The following AHI1 variants were observed in gnomAD, a reference collection of about 807,000 sequenced individuals.
AHI1 encodes jouberin.
Under a neutral mutation model 149.3 loss-of-function variants are expected in AHI1, and 123 were observed. The ratio of observed to expected loss-of-function variants is 0.82; its 90% CI spans 0.71 to 0.96. The LOEUF (loss-of-function observed/expected upper bound fraction) is 0.96, where lower values mean the gene tolerates loss of function less well. Among genes scored for constraint, AHI1 ranks in the 40% least tolerant of loss-of-function variants. AHI1 has a pLI of 0.00. For missense variants in AHI1, 1,439 were observed against 1,422.7 expected, an observed-to-expected ratio of 1.01 and a Z score of -0.18; for synonymous variants, 475 against 459.8, an observed-to-expected ratio of 1.03 and a Z score of -0.42.
intron 23 of AHI1, chr6:135,387,948 C>A: frequency 6.2e-7 from 1 of 1,612,512 alleles, no homozygotes; most frequent in South Asian, 1.1e-5. Flanking sequence ...GATCCCAGGT[C>A]GGCTCAGTTC....
chr6:135,407,167 C>A (rs1028691447), intron 21 of AHI1, among the ~76,000 whole-genome samples: 1 of 152,084 alleles, frequency 6.6e-6, no homozygotes, highest in Non-Finnish European at 1.5e-5. Flanking sequence ...CTATTATATA[C>A]CTGCTGAACT....
intron 14 of AHI1, among the ~76,000 whole-genome samples, chr6:135,440,898 A>C (rs1025504693): frequency 2.0e-5 from 3 of 152,270 alleles, no homozygotes; most frequent in Admixed American, 2.0e-4. Flanking sequence ...TTATTAAAAC[A>C]TCCAGTTTTC....
chr6:135,442,459 C>A (rs12211456), intron 14 of AHI1, 123 bp downstream of exon 14: 22 of 1,043,540 alleles, frequency 2.1e-5, no homozygotes, highest in Middle Eastern at 5.7e-4. Context: ...TGAAGAAATC[C>A]GTTTTCTTTA....
chr6:135,386,516 T>C (rs1777609510), intron 23 of AHI1, among the ~76,000 whole-genome samples: 1 of 152,158 alleles, frequency 6.6e-6, no homozygotes, highest in Admixed American at 6.5e-5. Flanking sequence ...TTCACCGTGT[T>C]AGCCAGGATG....
intron 24 of AHI1, among the ~76,000 whole-genome samples, chr6:135,341,405 T>TA (rs1790353464): frequency 6.6e-6 from 1 of 151,888 alleles, no homozygotes; most frequent in Non-Finnish European, 1.5e-5. Flanking sequence ...CAGGAAGACT[T>TA]AAAAAGTATA....
chr6:135,417,096 A>G (rs1257881937), intron 20 of AHI1, among the ~76,000 whole-genome samples: 2 of 152,106 alleles, frequency 1.3e-5, no homozygotes, highest in Non-Finnish European at 2.9e-5. Context: ...GGAATTTGGA[A>G]TGTTTAACAT....
intron 5 of AHI1, among the ~76,000 whole-genome samples, chr6:135,472,889 A>G (rs1433233669): frequency 6.6e-6 from 1 of 152,204 alleles, no homozygotes; most frequent in Non-Finnish European, 1.5e-5. Flanking sequence ...TAGATACAAC[A>G]TTGTATCAGA....
intron 15 of AHI1, among the ~76,000 whole-genome samples, chr6:135,433,830 T>G (rs1395196083): frequency 6.6e-6 from 1 of 152,056 alleles, no homozygotes; most frequent in African/African-American, 2.4e-5. Context: ...TTATGACATT[T>G]TGATAGAAAA....
chr6:135,341,719 C>A (rs1309478825), intron 24 of AHI1, among the ~76,000 whole-genome samples: 1 of 151,684 alleles, frequency 6.6e-6, no homozygotes, highest in Non-Finnish European at 1.5e-5. Flanking sequence ...TCCAAATAAC[C>A]ACTGGGTCCA....
intron 23 of AHI1, among the ~76,000 whole-genome samples, chr6:135,393,895 G>T (rs1778862818): frequency 6.6e-6 from 1 of 151,944 alleles, no homozygotes; most frequent in Admixed American, 6.6e-5. Context: ...CACAGCCAGG[G>T]TTGAGCATAA....
intron 20 of AHI1, among the ~76,000 whole-genome samples, chr6:135,425,051 G>A (rs574580722): frequency 2.0e-4 from 31 of 151,966 alleles, no homozygotes; most frequent in African/African-American, 7.2e-4. Context: ...CTCAATCTTA[G>A]ATGGCTTAAG....
At chr6:135,348,453 C>A (rs1331013292) in intron 24 of AHI1, among the ~76,000 whole-genome samples, 2 of 151,894 alleles carry the variant, frequency 1.3e-5, no homozygotes, top group East Asian at 3.9e-4. Context: ...TTTTAAGTAA[C>A]CACTATATCT....
intron 20 of AHI1, among the ~76,000 whole-genome samples, chr6:135,412,547 T>A (rs915027408): frequency 1.3e-4 from 20 of 152,212 alleles, no homozygotes; most frequent in Admixed American, 3.3e-4. Flanking sequence ...GTTCTGATGA[T>A]GACTGATCAT....
rs377757730 is a variant in AHI1 at position 135,386,512 on chromosome 6, G to A, written c.3109+8264C>T. On this transcript the variant is annotated intron_variant, in intron 23 of 28. Coordinates refer to ENST00000265602, the MANE Select transcript of AHI1 (RefSeq NM_001134831.2). ...TTTTTAGTAGAGACGGGGTTTCACCGTGTTAGCCAGGATGGTCTCGATCTC... is the reference window on the plus strand; with the variant it reads ...TTTTTAGTAGAGACGGGGTTTCACCATGTTAGCCAGGATGGTCTCGATCTC... 1.6e-3 allele frequency among the ~76,000 whole-genome samples: 246 copies of A among 152,058 alleles called. 2 individuals carry two copies. The highest frequency in any genetic ancestry group is 5.4e-3 in the African/African-American group (226 of 41,490).
chr6:135,421,656 T>A (rs1783178233), intron 20 of AHI1, among the ~76,000 whole-genome samples: 1 of 152,098 alleles, frequency 6.6e-6, no homozygotes, highest in African/African-American at 2.4e-5. Context: ...AAAACACCAC[T>A]GTAAACATTA....
intron 23 of AHI1, among the ~76,000 whole-genome samples, chr6:135,375,024 C>T (rs904780901): frequency 1.3e-5 from 2 of 152,068 alleles, no homozygotes; most frequent in Admixed American, 6.5e-5. Context: ...TTAAGGCAGG[C>T]TAGGCTAAAG....
At chr6:135,393,048 G>T (rs1440959375) in intron 23 of AHI1, among the ~76,000 whole-genome samples, 4 of 152,136 alleles carry the variant, frequency 2.6e-5, no homozygotes, top group African/African-American at 9.7e-5. Context: ...TGGCTTAATG[G>T]TCATGCTTCT....
chr6:135,493,896 A>G (rs1490576535), intron 3 of AHI1, among the ~76,000 whole-genome samples: 1 of 152,198 alleles, frequency 6.6e-6, no homozygotes, highest in Non-Finnish European at 1.5e-5. Context: ...TACAAAACTT[A>G]GTCAGGCGTG....
intron 23 of AHI1, among the ~76,000 whole-genome samples, chr6:135,372,486 T>C (rs1047928936): frequency 5.7e-5 from 8 of 141,002 alleles, no homozygotes; most frequent in African/African-American, 2.2e-4. Context: ...CCTGGCAACA[T>C]AGCGAGACCC....
Sources: allele counts gnomAD v4.1 joint callset (sites outside exome capture counted in the v4.1 genomes callset), GRCh38; gene constraint gnomAD v4.1.1; transcripts MANE v1.5; gene names NCBI Gene and HGNC (gene_info 2026-07-23, HGNC 2026-07-21).